The following IDUA variants were observed in gnomAD, a reference collection of about 807,000 sequenced individuals.
IDUA encodes alpha-L-iduronidase.
Under a neutral mutation model 68.9 loss-of-function variants are expected in IDUA, and 65 were observed. That is an observed-to-expected ratio of 0.94 (90% CI 0.77 to 1.16). IDUA has a LOEUF of 1.16. Ranked by LOEUF, IDUA falls within the 50% of genes most tolerant of loss-of-function variation. The pLI, the probability that IDUA is intolerant of heterozygous loss-of-function variation, is 0.00. For synonymous variants in IDUA, 529 were observed against 433.6 expected (o/e 1.22, Z -2.73); for missense variants, 1,046 against 938.0 (o/e 1.12, Z -1.50).
chr4:988,222 C>A, intron 2 of IDUA: 1 of 1,316,286 alleles, frequency 7.6e-7, no homozygotes, highest in South Asian at 1.8e-5. Context: ...GTGAGCATCC[C>A]TGTGTGTGTC....
Position 989,474 on chromosome 4 carries a change from C to T in IDUA, c.299+1525C>T, listed in dbSNP as rs779730277. 47 of 1,553,968 alleles carry T rather than the reference C, an allele frequency of 3.0e-5. No individual in the cohort carries two copies. The highest frequency in any genetic ancestry group is 2.1e-4 in the South Asian group (18 of 84,532). On this transcript the variant is annotated intron_variant, in intron 2 of 13. Transcript: ENST00000514224. ...GAGAGGATGACGCCAGCCAGCAGCC[C>T]GGCCTCTGTGCTGACCAGCATACAG...
At chr4:991,290 G>A (rs768209879) in intron 2 of IDUA, 3 of 1,612,730 alleles carry the variant, frequency 1.9e-6, no homozygotes, top group East Asian at 2.2e-5. Context: ...GGAGCTCCCG[G>A]TCCACCACCT....
At chr4:994,461 G>C (rs149667411) in intron 2 of IDUA, among the ~76,000 whole-genome samples, 4,877 of 150,124 alleles carry the variant, frequency 0.032, 267 homozygotes, top group African/African-American at 0.11. Flanking sequence ...TTTTTGAGAC[G>C]GAGTTTCGCT....
At chr4:987,674 CATTTT>C in intron 1 of IDUA, 130 bp from the exon 2 acceptor site, 1 of 1,493,604 alleles carries the variant, frequency 6.7e-7, no homozygotes, top group Non-Finnish European at 8.9e-7. Context: ...CCCTAAGGGT[CATTTT>C]ATTAGTCACT....
At chr4:988,456 C>A in intron 2 of IDUA, 1 of 1,102,176 alleles carries the variant, frequency 9.1e-7, no homozygotes, top group Non-Finnish European at 1.1e-6. Context: ...CCGGGCAGGC[C>A]TGGGCATAGG....
At position 989,676 on chromosome 4, in the gene IDUA, G is replaced by T. The variant is rs575164465; in HGVS notation, c.299+1727G>T. 13 of 1,570,936 alleles carry T rather than the reference G, an allele frequency of 8.3e-6. No individual in the cohort carries two copies. The highest frequency in any genetic ancestry group is 8.6e-7 in the Non-Finnish European group (1 of 1,159,028). On this transcript the variant is annotated intron_variant, in intron 2 of 13. Transcript: ENST00000514224. The stretch of plus-strand genomic sequence containing the variant: ...GCGCCAGCAGCACCAGCAGCACCAC[G>T]GTGGCGCTGACCACGCTGGACAGCT...
Position 987,900 on chromosome 4 carries a change from G to C in IDUA, c.250G>C (p.Gly84Arg). ...LAYVGAVPHRGIKQVRTHWLL... is the reference protein window; with the variant it reads ...LAYVGAVPHRRIKQVRTHWLL... The stretch of plus-strand genomic sequence containing the variant: ...CTATGTGGGCGCCGTCCCTCACCGC[G>C]GCATCAAGCAGGTCCGGACCCACTG... Residue 84 changes from glycine (G) to arginine (R), a missense_variant, in exon 2 of 14, where the codon GGC becomes CGC. By Grantham distance (125) the Gly-to-Arg change is moderately radical (BLOSUM62 -2). Coordinates refer to ENST00000514224, the MANE Select transcript of IDUA (RefSeq NM_000203.5). 6.2e-7 allele frequency: 1 copy of C among 1,608,582 alleles called. No homozygotes were observed. The highest frequency in any genetic ancestry group is 8.5e-7 in the Non-Finnish European group (1 of 1,178,256).
chr4:990,071 C>T (rs201112323), intron 2 of IDUA: 217 of 1,601,354 alleles, frequency 1.4e-4, no homozygotes, highest in Non-Finnish European at 1.2e-5. Context: ...GGCAGCGGCA[C>T]CCTCAGGCGG....
chr4:990,728 T>A, intron 2 of IDUA: 1 of 394,380 alleles, frequency 2.5e-6, no homozygotes, highest in Non-Finnish European at 4.6e-6. Context: ...CATGCAGATG[T>A]GGAGCCAACG....
rs969058029 is a variant in IDUA, at chr4:1,000,993, G to A, written c.493+4G>A. 7.5e-6 allele frequency: 12 copies of A among 1,601,434 alleles called. No homozygotes were observed. The African/African-American group carries it at 1.2e-4, about 16-fold the overall frequency. ...AGCCTGGCCAGGAGATACATCGGTG[G>A]GCGAGCGCAGGCCCTGGGGCCCTGG... On this transcript the variant is annotated splice_donor_region_variant and intron_variant, in intron 4 of 13. Coordinates refer to ENST00000514224, the MANE Select transcript of IDUA (RefSeq NM_000203.5).
At position 987,812 on chromosome 4, in the gene IDUA, C is replaced by G. The variant is rs1378930636; in HGVS notation, c.162C>G (p.Pro54=). ...RRFWRSTGFC[P]PLPHSQADQY... is the part of the protein sequence containing the mutation. ...GCCGCCCCTTTGTTGTCCCCAGCCCCCCGCTGCCACACAGCCAGGCTGACC... is the reference window on the plus strand; with the variant it reads ...GCCGCCCCTTTGTTGTCCCCAGCCCGCCGCTGCCACACAGCCAGGCTGACC... The change falls in exon 2 of 14, where the codon CCC becomes CCG. Residue 54 remains proline (P), a synonymous_variant. Transcript: ENST00000514224. 6.2e-7 allele frequency: 1 copy of G among 1,612,414 alleles called. No homozygotes were observed. The highest frequency in any genetic ancestry group is 1.3e-5 in the African/African-American group (1 of 75,056).
At chr4:996,145 T>C (rs956788396) in intron 2 of IDUA, among the ~76,000 whole-genome samples, 2 of 152,210 alleles carry the variant, frequency 1.3e-5, no homozygotes, top group African/African-American at 2.4e-5. Flanking sequence ...CAGCCCAACC[T>C]GGGCCCCAGT....
intron 2 of IDUA, among the ~76,000 whole-genome samples, chr4:1,000,272 G>A (rs1714992717): frequency 6.6e-6 from 1 of 152,226 alleles, no homozygotes; most frequent in South Asian, 2.1e-4. Context: ...ACCAGGGTGA[G>A]GTGTCCACCA....
intron 2 of IDUA, among the ~76,000 whole-genome samples, chr4:995,993 C>T (rs994251844): frequency 6.6e-6 from 1 of 152,068 alleles, no homozygotes; most frequent in Admixed American, 6.5e-5. Flanking sequence ...TCTCGTACCC[C>T]TGAGTGTGAG....
chr4:987,173 A>C lies in IDUA; in HGVS notation c.89A>C (p.His30Pro). The C allele has an allele frequency of 6.9e-7, 1 of 1,455,584 alleles. No homozygotes were observed. The highest frequency in any genetic ancestry group is 9.0e-7 in the Non-Finnish European group (1 of 1,109,562). The allele number at this position is 1,455,584 out of a possible 1,614,324, so 90.2% of individuals were successfully genotyped here. Residue 30 changes from histidine (H) to proline (P), a missense_variant, in exon 1 of 14, where the codon CAC becomes CCC. By Grantham distance (77) the His-to-Pro change is moderately conservative (BLOSUM62 -2). Coordinates refer to ENST00000514224, the MANE Select transcript of IDUA (RefSeq NM_000203.5). ...APPVAPAEAP[H>P]LVHVDAARAL... ...CCGGTGGCCCCGGCCGAGGCCCCGC[A>C]CCTGGTGCATGTGGACGCGGCCCGC... is the stretch of plus-strand genomic sequence containing the variant.
intron 2 of IDUA, chr4:992,333 C>G (rs1310091192): frequency 1.3e-5 from 5 of 399,504 alleles, no homozygotes; most frequent in Non-Finnish European, 2.6e-5. Context: ...ACCCACCCCT[C>G]TGTCACCTGC....
chr4:998,285 G>T (rs1395647900), intron 2 of IDUA, among the ~76,000 whole-genome samples: 2 of 152,200 alleles, frequency 1.3e-5, no homozygotes, highest in African/African-American at 4.8e-5. Flanking sequence ...GCTCTGCCTT[G>T]ATCTTGTACA....
chr4:995,601 C>G (rs541386945), intron 2 of IDUA, among the ~76,000 whole-genome samples: 38 of 152,362 alleles, frequency 2.5e-4, no homozygotes, highest in East Asian at 2.3e-3. Context: ...AAGCCACAGG[C>G]TCTACTTCTC....
Position 999,016 on chromosome 4 carries a change from A to G in IDUA, c.300-1596A>G, listed in dbSNP as rs574649318. On this transcript the variant is annotated intron_variant, in intron 2 of 13. Transcript: ENST00000514224. Reference sequence around the variant, plus strand: ...TCAGGAAATGGAAACCATCCTGGCTAACATGGTGAAACTCCGTCTCTACTA... The same window carrying G: ...TCAGGAAATGGAAACCATCCTGGCTGACATGGTGAAACTCCGTCTCTACTA... Among the ~76,000 whole-genome samples the G allele has an allele frequency of 3.3e-5, 5 of 152,188 alleles. No homozygotes were observed. The East Asian group carries it at 9.7e-4, about 29-fold the overall frequency.
Sources: allele counts gnomAD v4.1 joint callset (sites outside exome capture counted in the v4.1 genomes callset), GRCh38; gene constraint gnomAD v4.1.1; transcripts MANE v1.5; gene names NCBI Gene and HGNC (gene_info 2026-07-23, HGNC 2026-07-21).